Variants in DLG2 observed in about 807,000 individuals in gnomAD.
DLG2 encodes disks large homolog 2.
DLG2 carries 45 observed loss-of-function variants against 132.5 expected under a neutral mutation model. That is an observed-to-expected ratio of 0.34 (90% confidence interval 0.27 to 0.44). The LOEUF (loss-of-function observed/expected upper bound fraction) is 0.44, where lower values mean the gene tolerates loss of function less well. Ranked by LOEUF, DLG2 falls within the 20% of genes least tolerant of loss-of-function variation. The pLI is 1.00. For missense variants in DLG2, 1,045 were observed against 1,196.9 expected, an observed-to-expected ratio of 0.87 and a Z score of 1.87; for synonymous variants, 424 against 419.6, an observed-to-expected ratio of 1.01 and a Z score of -0.13.
intron 6 of DLG2, among the ~76,000 whole-genome samples, chr11:84,914,871 T>G (rs1390756644): frequency 6.6e-6 from 1 of 152,206 alleles, no homozygotes; most frequent in Non-Finnish European, 1.5e-5. Flanking sequence ...AAATGAGTGA[T>G]GTACACAGTG....
chr11:85,272,822 T>C (rs182538280), intron 4 of DLG2, among the ~76,000 whole-genome samples: 120 of 150,658 alleles, frequency 8.0e-4, no homozygotes, highest in African/African-American at 2.7e-3. Flanking sequence ...AAGAACAAAG[T>C]TGGAGGCATC....
At chr11:83,808,303 G>T (rs2046437224) in intron 17 of DLG2, among the ~76,000 whole-genome samples, 1 of 152,058 alleles carries the variant, frequency 6.6e-6, no homozygotes, top group Non-Finnish European at 1.5e-5. Context: ...TATTCCTGTG[G>T]CCAAGTTCAG....
At chr11:84,839,999 T>G (rs1599412224) in intron 6 of DLG2, among the ~76,000 whole-genome samples, 1 of 152,066 alleles carries the variant, frequency 6.6e-6, no homozygotes, top group African/African-American at 2.4e-5. Flanking sequence ...TGAGATCCAA[T>G]TAAACTAGAG....
At chr11:85,169,192 T>C (rs2078671731) in intron 4 of DLG2, among the ~76,000 whole-genome samples, 1 of 152,212 alleles carries the variant, frequency 6.6e-6, no homozygotes. Context: ...ATTATTTTCA[T>C]TGCCATACTG....
chr11:84,679,315 C>T (rs906083293), intron 6 of DLG2, among the ~76,000 whole-genome samples: 4 of 151,766 alleles, frequency 2.6e-5, no homozygotes, highest in Non-Finnish European at 5.9e-5. Flanking sequence ...CATGAAAGTT[C>T]GATGTCAATA....
chr11:83,574,146 G>A lies in DLG2; in HGVS notation c.1941-32288C>T, dbSNP rs1054977130. On this transcript the variant is annotated intron_variant, in intron 19 of 27. Coordinates refer to ENST00000376104, the MANE Select transcript of DLG2 (RefSeq NM_001142699.3). The stretch of plus-strand genomic sequence containing the variant: ...AGCCCTCCCCTCACCACATTCTTTT[G>A]CAGGCACAAAGTTATGAAACTGGAG... 5.3e-5 allele frequency among the ~76,000 whole-genome samples: 8 copies of A among 152,048 alleles called. No homozygotes were observed. The East Asian group carries it at 1.5e-3, about 29-fold the overall frequency.
chr11:84,950,230 T>C (rs1432019829), intron 6 of DLG2, among the ~76,000 whole-genome samples: 3 of 152,190 alleles, frequency 2.0e-5, no homozygotes. Flanking sequence ...TGATTTCTGG[T>C]AGATTTCATA....
At chr11:85,160,252 C>A (rs1405917035) in intron 4 of DLG2, among the ~76,000 whole-genome samples, 1 of 152,160 alleles carries the variant, frequency 6.6e-6, no homozygotes, top group African/African-American at 2.4e-5. Context: ...CAGGAGAAGG[C>A]TCTGCAACAG....
intron 9 of DLG2, among the ~76,000 whole-genome samples, chr11:84,157,245 T>C (rs996100583): frequency 1.3e-5 from 2 of 152,170 alleles, no homozygotes; most frequent in African/African-American, 2.4e-5. Flanking sequence ...TTTTGCATAT[T>C]TGAAATATAT....
chr11:85,108,965 C>G (rs1396294429), intron 6 of DLG2, among the ~76,000 whole-genome samples: 1 of 152,048 alleles, frequency 6.6e-6, no homozygotes, highest in Non-Finnish European at 1.5e-5. Context: ...GCAACTGAGC[C>G]TCACATAACT....
intron 21 of DLG2, among the ~76,000 whole-genome samples, chr11:83,496,313 A>G (rs2138659187): frequency 6.6e-6 from 1 of 152,106 alleles, no homozygotes; most frequent in African/African-American, 2.4e-5. Flanking sequence ...GACTGACAAT[A>G]TTAAGTGTTA....
chr11:85,010,580 TTC>T lies in DLG2; in HGVS notation c.357+101079_357+101080del, dbSNP rs894708982. Among the ~76,000 whole-genome samples, 60 of 152,222 alleles carry T rather than the reference TTC, an allele frequency of 3.9e-4. 2 individuals carry two copies. Among genetic ancestry groups the T allele is most frequent in the African/African-American group, 1.3e-3 (54 of 41,550 alleles). ...ACTGTACCTTTTCTTCTAGTATTATTTCTGTTTCTCTTCCACCTGCATTGTCC... is the reference window on the plus strand; with the variant it reads ...ACTGTACCTTTTCTTCTAGTATTATTTGTTTCTCTTCCACCTGCATTGTCC... On this transcript the variant is annotated intron_variant, in intron 6 of 27. Transcript: ENST00000376104.
At chr11:85,055,247 AAG>A (rs906284677) in intron 6 of DLG2, among the ~76,000 whole-genome samples, 1 of 152,012 alleles carries the variant, frequency 6.6e-6, no homozygotes, top group South Asian at 2.1e-4. Context: ...AAACCAGACA[AAG>A]AGAGAGAGAG....
chr11:83,998,613 A>T (rs185013734), intron 11 of DLG2, among the ~76,000 whole-genome samples: 49 of 152,306 alleles, frequency 3.2e-4, no homozygotes, highest in African/African-American at 1.1e-3. Flanking sequence ...GGACTCCTGC[A>T]ATCCTAGACA....
At chr11:85,473,729 T>C (rs2093056773) in intron 3 of DLG2, among the ~76,000 whole-genome samples, 1 of 152,020 alleles carries the variant, frequency 6.6e-6, no homozygotes, top group South Asian at 2.1e-4. Context: ...GAGGTAGACT[T>C]GTAGAAAAAA....
intron 7 of DLG2, among the ~76,000 whole-genome samples, chr11:84,322,672 C>T (rs1599854082): frequency 6.6e-6 from 1 of 152,034 alleles, no homozygotes; most frequent in East Asian, 1.9e-4. Flanking sequence ...TCACTGCAAC[C>T]TCCACATCCC....
chr11:84,047,775 C>T (rs1457585470), intron 11 of DLG2, among the ~76,000 whole-genome samples: 1 of 151,554 alleles, frequency 6.6e-6, no homozygotes, highest in Admixed American at 6.6e-5. Context: ...AAACAGTGGT[C>T]ATGTTATCCC....
intron 7 of DLG2, among the ~76,000 whole-genome samples, chr11:84,444,707 T>C (rs2099027787): frequency 6.6e-6 from 1 of 152,174 alleles, no homozygotes; most frequent in African/African-American, 2.4e-5. Context: ...GATTCATCCT[T>C]TTCACTTGAT....
chr11:84,255,645 G>A (rs2097456667), intron 7 of DLG2, among the ~76,000 whole-genome samples: 1 of 151,950 alleles, frequency 6.6e-6, no homozygotes, highest in African/African-American at 2.4e-5. Flanking sequence ...TCTTCCTTTT[G>A]GATATCCTCT....
Sources: gnomAD v4.1 joint callset for allele counts (sites outside exome capture counted in the v4.1 genomes callset) on GRCh38, gnomAD v4.1.1 for gene constraint, MANE v1.5 for transcripts, NCBI Gene and HGNC (gene_info 2026-07-23, HGNC 2026-07-21) for gene names.